The following CTNNBL1 variants were observed in gnomAD, a reference collection of about 807,000 sequenced individuals.
The protein encoded by CTNNBL1 is beta-catenin-like protein 1.
CTNNBL1 carries 31 observed loss-of-function variants against 72.7 expected under a neutral mutation model. The observed-to-expected ratio is 0.43, with a 90% CI of 0.32 to 0.58. CTNNBL1 has a LOEUF of 0.58. CTNNBL1 is among the 20% of genes least tolerant of loss of function. CTNNBL1 has a pLI of 0.08. For synonymous variants in CTNNBL1, 240 were observed against 267.3 expected, an observed-to-expected ratio of 0.90 and a Z score of 1.00; for missense variants, 534 against 725.1, an observed-to-expected ratio of 0.74 and a Z score of 3.03.
chr20:37,812,281 T>C (rs1238788290), intron 11 of CTNNBL1, among the ~76,000 whole-genome samples: 1 of 152,194 alleles, frequency 6.6e-6, no homozygotes, highest in African/African-American at 2.4e-5. Context: ...ACATTTGCCT[T>C]CTTTCAAAAA....
chr20:37,814,397 A>G (rs1481615297), intron 11 of CTNNBL1, among the ~76,000 whole-genome samples: 1 of 152,096 alleles, frequency 6.6e-6, no homozygotes, highest in Non-Finnish European at 1.5e-5. Context: ...CTTCAGACCT[A>G]TCTATCTACC....
intron 10 of CTNNBL1, among the ~76,000 whole-genome samples, chr20:37,784,313 A>G (rs1034047060): frequency 2.0e-5 from 3 of 151,962 alleles, no homozygotes; most frequent in Non-Finnish European, 2.9e-5. Context: ...CAGCCACTCT[A>G]TATCTTGTGA....
chr20:37,825,882 G>A (rs964510361), intron 11 of CTNNBL1, among the ~76,000 whole-genome samples: 9 of 152,200 alleles, frequency 5.9e-5, no homozygotes, highest in African/African-American at 2.2e-4. Context: ...TGCCATTGTA[G>A]CGATGGGGTT....
intron 13 of CTNNBL1, among the ~76,000 whole-genome samples, chr20:37,849,416 G>A (rs1178348092): frequency 3.3e-5 from 5 of 152,020 alleles, no homozygotes; most frequent in African/African-American, 4.8e-5. Context: ...CCTCACCCTC[G>A]TGATGTACAA....
chr20:37,871,866 G>A (rs908670923), intron 15 of CTNNBL1, 59 bp from the exon 16 acceptor site: 76 of 1,460,166 alleles, frequency 5.2e-5, no homozygotes, highest in Non-Finnish European at 6.4e-5. Context: ...ATGAAGCGAC[G>A]CAGCCACGGT....
chr20:37,783,977 T>A (rs1568779102), intron 10 of CTNNBL1, among the ~76,000 whole-genome samples: 1 of 152,196 alleles, frequency 6.6e-6, no homozygotes, highest in Non-Finnish European at 1.5e-5. Context: ...TTTATTGGGA[T>A]CTGTCTCTCC....
intron 1 of CTNNBL1, among the ~76,000 whole-genome samples, chr20:37,705,718 G>A (rs575599110): frequency 7.9e-5 from 12 of 152,202 alleles, no homozygotes; most frequent in South Asian, 2.1e-4. Flanking sequence ...ATTTTCTAGC[G>A]CCAAGAATCT....
chr20:37,791,756 G>A (rs1029787313), intron 10 of CTNNBL1, among the ~76,000 whole-genome samples: 1 of 152,078 alleles, frequency 6.6e-6, no homozygotes, highest in African/African-American at 2.4e-5. Context: ...GCGTGCGAGC[G>A]ATCTAAGTTG....
intron 1 of CTNNBL1, among the ~76,000 whole-genome samples, chr20:37,728,956 C>T (rs2073107703): frequency 6.6e-6 from 1 of 152,224 alleles, no homozygotes; most frequent in Non-Finnish European, 1.5e-5. Context: ...TCAATCCACA[C>T]TGGCCCTATT....
intron 7 of CTNNBL1, among the ~76,000 whole-genome samples, chr20:37,775,388 A>G (rs2073564996): frequency 6.6e-6 from 1 of 152,208 alleles, no homozygotes; most frequent in Non-Finnish European, 1.5e-5. Context: ...TGATGTCACC[A>G]GAAGAAATGT....
At chr20:37,820,020 AC>A (rs1488580326) in intron 11 of CTNNBL1, among the ~76,000 whole-genome samples, 1 of 151,808 alleles carries the variant, frequency 6.6e-6, no homozygotes, top group Non-Finnish European at 1.5e-5. Flanking sequence ...GACTATAAGC[AC>A]GCACCATCAC....
chr20:37,857,123 G>A (rs997889017), intron 13 of CTNNBL1, among the ~76,000 whole-genome samples: 55 of 152,132 alleles, frequency 3.6e-4, no homozygotes, highest in Non-Finnish European at 6.6e-4. Flanking sequence ...TTAAAATTTC[G>A]TAGTAACTGC....
chr20:37,742,090 CAACTCAGAA>C (rs2073221532), intron 3 of CTNNBL1, among the ~76,000 whole-genome samples: 1 of 152,026 alleles, frequency 6.6e-6, no homozygotes, highest in South Asian at 2.1e-4. Context: ...CTTAAAATTT[CAACTCAGAA>C]TGAGAAAGCA....
At chr20:37,749,636 A>AGT (rs1374877758) in intron 4 of CTNNBL1, among the ~76,000 whole-genome samples, 3 of 152,202 alleles carry the variant, frequency 2.0e-5, no homozygotes, top group Admixed American at 6.5e-5. Flanking sequence ...TCAAATTTAA[A>AGT]GTGCATTTGA....
intron 4 of CTNNBL1, among the ~76,000 whole-genome samples, chr20:37,752,725 G>A (rs2073331608): frequency 6.6e-6 from 1 of 152,046 alleles, no homozygotes; most frequent in Admixed American, 6.5e-5. Flanking sequence ...GAGCCATTGT[G>A]TTATGGACCA....
chr20:37,832,364 C>T (rs1228078859), intron 11 of CTNNBL1: 1 of 152,196 alleles, frequency 6.6e-6, no homozygotes, highest in Admixed American at 6.5e-5. Context: ...GTGAGCGAAT[C>T]CCTTGTGATT....
At chr20:37,712,692 C>G (rs543027448) in intron 1 of CTNNBL1, among the ~76,000 whole-genome samples, 2 of 152,242 alleles carry the variant, frequency 1.3e-5, no homozygotes, top group Non-Finnish European at 1.5e-5. Context: ...CCTGCCTCTG[C>G]TGTCTCTGCT....
chr20:37,723,161 A>G (rs1237221354), intron 1 of CTNNBL1, among the ~76,000 whole-genome samples: 4 of 152,264 alleles, frequency 2.6e-5, no homozygotes, highest in African/African-American at 9.6e-5. Flanking sequence ...AAAGAAATCT[A>G]TACACCCTTT....
intron 13 of CTNNBL1, among the ~76,000 whole-genome samples, chr20:37,854,960 G>T (rs1170085782): frequency 6.6e-6 from 1 of 152,096 alleles, no homozygotes; most frequent in African/African-American, 2.4e-5. Flanking sequence ...CTGACACATA[G>T]TAAGTCCCCA....
Sources: gnomAD v4.1 joint callset for allele counts (sites outside exome capture counted in the v4.1 genomes callset) on GRCh38, gnomAD v4.1.1 for gene constraint, MANE v1.5 for transcripts, NCBI Gene and HGNC (gene_info 2026-07-23, HGNC 2026-07-21) for gene names.